KDM2B: variants seen among roughly 807,000 people sequenced by gnomAD.
The protein encoded by KDM2B is lysine demethylase 2B, also known as lysine-specific demethylase 2B.
In KDM2B, 26 loss-of-function variants were observed where a neutral mutation model predicts 150.0. That is an observed-to-expected ratio of 0.17 (90% CI 0.13 to 0.24). KDM2B has a LOEUF of 0.24. Ranked by LOEUF, KDM2B falls within the 10% of genes least tolerant of loss-of-function variation. The pLI is 1.00. For missense variants in KDM2B, 1,265 were observed against 1,816.9 expected (o/e 0.70, Z 5.52); for synonymous variants, 734 against 729.5 (o/e 1.01, Z -0.10).
chr12:121,549,452 G>C lies in KDM2B; in HGVS notation c.576+8C>G. On this transcript the variant is annotated splice_region_variant and intron_variant, in intron 5 of 22. Transcript: ENST00000377071. This position sits in a 1 kb window ranked among gnomAD's most constrained non-coding sequence, Gnocchi z 4.4. Reference sequence around the variant, plus strand: ...TATCTGGGGAGGGTACCTGGGCCCCGGACCTACCACAGTCGGACGCTTGAC... The same window carrying C: ...TATCTGGGGAGGGTACCTGGGCCCCCGACCTACCACAGTCGGACGCTTGAC... The C allele has an allele frequency of 6.3e-7, 1 of 1,585,246 alleles. No homozygotes were observed. The highest frequency in any genetic ancestry group is 8.6e-7 in the Non-Finnish European group (1 of 1,159,418).
At chr12:121,487,867 C>T (rs1029239490) in intron 12 of KDM2B, among the ~76,000 whole-genome samples, 5 of 151,588 alleles carry the variant, frequency 3.3e-5, no homozygotes, top group Non-Finnish European at 5.9e-5. Context: ...CTGCAAGCTC[C>T]GCCTCCCAGG....
In KDM2B at chr12:121,467,237, C is replaced by A; in HGVS notation, c.1735-13893G>T. 2.0e-6 allele frequency: 2 copies of A among 1,018,656 alleles called. No homozygotes were observed. Among genetic ancestry groups the A allele is most frequent in the Non-Finnish European group, 2.4e-6 (2 of 847,372 alleles). 63.1% of individuals were successfully genotyped at this position (1,018,656 alleles called of 1,614,324 possible). A position where few individuals can be genotyped will look rare whatever the true frequency, so the allele number is the denominator to read the frequency against. On this transcript the variant is annotated intron_variant, in intron 12 of 22. Transcript: ENST00000377071. The surrounding 1 kb of genome is among the most constrained non-coding windows in gnomAD (Gnocchi z 5.1). The stretch of plus-strand genomic sequence containing the variant: ...GGCTCATGGTGGGCCCAGGCTCGCG[C>A]GCGCTGACATGGCTGGAGCGGCGCC...
intron 4 of KDM2B, among the ~76,000 whole-genome samples, chr12:121,556,372 T>C (rs1555312710): frequency 1.3e-5 from 2 of 152,098 alleles, no homozygotes; most frequent in Non-Finnish European, 2.9e-5. Flanking sequence ...CAGGCTGGAT[T>C]ATTTAGAAGC....
At chr12:121,536,143 T>C (rs1253846562) in intron 6 of KDM2B, 7 of 979,974 alleles carry the variant, frequency 7.1e-6, no homozygotes, top group Non-Finnish European at 8.5e-6. Context: ...GGAGTGGGGC[T>C]GAGCTGGTTA....
chr12:121,419,925 GAC>G, the KDM2B span: 11 of 190,914 alleles, frequency 5.8e-5, no homozygotes, highest in African/African-American at 2.1e-4. Context: ...CTTTGATAAT[GAC>G]ACAGTGCTGT....
rs1160894866 is a variant in KDM2B, at chr12:121,520,723, C to T, written c.1047+262G>A. 6.6e-6 allele frequency among the ~76,000 whole-genome samples: 1 copy of T among 152,186 alleles called. No individual in the cohort carries two copies. The highest frequency in any genetic ancestry group is 6.5e-5 in the Admixed American group (1 of 15,274). On this transcript the variant is annotated intron_variant, in intron 9 of 22. Transcript: ENST00000377071. The surrounding 1 kb of genome is among the most constrained non-coding windows in gnomAD (Gnocchi z 4.5). ...AAATCTCACGGTGCTTTCTCAGAGA[C>T]ACTTCCTCTTCCACAAGGGGGTTTT...
intron 1 of KDM2B, chr12:121,579,727 TC>T: frequency 9.8e-7 from 1 of 1,019,552 alleles, no homozygotes; most frequent in East Asian, 1.2e-4. Flanking sequence ...GCCCGGCCCC[TC>T]AGCCCCCCAG....
At chr12:121,529,928 C>CAAA (rs782115700) in intron 8 of KDM2B, among the ~76,000 whole-genome samples, 1 of 97,986 alleles carries the variant, frequency 1.0e-5, no homozygotes, top group African/African-American at 3.8e-5. Context: ...GACTCTGTCT[C>CAAA]AAAAAAAAAA....
intron 8 of KDM2B, among the ~76,000 whole-genome samples, chr12:121,529,162 G>A (rs1887414861): frequency 2.0e-5 from 3 of 152,190 alleles, no homozygotes; most frequent in African/African-American, 7.2e-5. Flanking sequence ...TTTCATGCCA[G>A]GGATGGTTTA....
In KDM2B at chr12:121,518,519, G is replaced by T. The variant is rs376592054; in HGVS notation, c.1047+2466C>A. Among the ~76,000 whole-genome samples the T allele has an allele frequency of 2.0e-5, 3 of 152,190 alleles. No individual in the cohort carries two copies. The highest frequency in any genetic ancestry group is 4.4e-5 in the Non-Finnish European group (3 of 68,038). Reference sequence around the variant, plus strand: ...AGGGGAAGGGACAGTAGGCCCCGGTGGGGGAGGGGACCTGCCATTCTCAAC... The same window carrying T: ...AGGGGAAGGGACAGTAGGCCCCGGTTGGGGAGGGGACCTGCCATTCTCAAC... On this transcript the variant is annotated intron_variant, in intron 9 of 22. Transcript: ENST00000377071. The surrounding 1 kb of genome is among the most constrained non-coding windows in gnomAD (Gnocchi z 4.4).
chr12:121,469,720 A>C (rs1044305344), intron 12 of KDM2B: 1 of 152,174 alleles, frequency 6.6e-6, no homozygotes, highest in Non-Finnish European at 1.5e-5. Flanking sequence ...AGGGGCTCAT[A>C]ACATGCCAAT....
chr12:121,536,798 G>A (rs1050660307), intron 6 of KDM2B, among the ~76,000 whole-genome samples: 21 of 152,078 alleles, frequency 1.4e-4, no homozygotes, highest in African/African-American at 4.8e-4. Context: ...TCGACAGCTG[G>A]AAGCCCGCGG....
rs1555288420 is a variant in KDM2B at position 121,442,133 on chromosome 12, A to G, written c.3284+24T>C. The G allele has an allele frequency of 6.2e-7, 1 of 1,605,572 alleles. No homozygotes were observed. The highest frequency in any genetic ancestry group is 8.5e-7 in the Non-Finnish European group (1 of 1,173,088). On this transcript the variant is annotated intron_variant, in intron 19 of 22. Transcript: ENST00000377071. The surrounding 1 kb of genome is among the most constrained non-coding windows in gnomAD (Gnocchi z 7.7). ...TGGTGCCGCCTGAGCCTTAACCTAG[A>G]GCCCTACACAGGCCGCCGCTCACCA...
At chr12:121,517,232 T>C (rs764612159) in intron 9 of KDM2B, among the ~76,000 whole-genome samples, 1 of 152,082 alleles carries the variant, frequency 6.6e-6, no homozygotes, top group Non-Finnish European at 1.5e-5. Context: ...AGCTTCAGGA[T>C]GAGGGGAAGG....
rs2136691541 is a variant in KDM2B, at chr12:121,578,869, G to A, written c.204C>T (p.Phe68=). 6.2e-7 allele frequency: 1 copy of A among 1,612,500 alleles called. No individual in the cohort carries two copies. The highest frequency in any genetic ancestry group is 2.2e-5 in the East Asian group (1 of 44,798). Residue 68 remains phenylalanine, a synonymous_variant, in exon 2 of 23, where the codon TTC becomes TTT. Coordinates refer to ENST00000377071, the MANE Select transcript of KDM2B (RefSeq NM_032590.5). The part of the protein sequence containing the change: ...DVEEIVSVRG[F]SLEEKLRSQL... The stretch of plus-strand genomic sequence containing the variant: ...GGCTGCGAAGCTTCTCCTCCAGGCT[G>A]AAGCCGCGGACGCTGACGATCTCCT...
At chr12:121,574,454 G>T in intron 4 of KDM2B, 93 bp downstream of exon 4, 2 of 1,187,194 alleles carry the variant, frequency 1.7e-6, no homozygotes, top group Non-Finnish European at 2.5e-6. Context: ...TGTTTTGAGA[G>T]GCAGTTAAAA....
intron 4 of KDM2B, among the ~76,000 whole-genome samples, chr12:121,566,840 C>T (rs1555315041): frequency 1.3e-5 from 2 of 152,098 alleles, no homozygotes; most frequent in African/African-American, 2.4e-5. Context: ...CATTCAAAGA[C>T]ACCTTTTTAG....
chr12:121,443,459 G>A, intron 17 of KDM2B: 5 of 595,560 alleles, frequency 8.4e-6, no homozygotes, highest in Non-Finnish European at 1.5e-5. Flanking sequence ...GCTCCTCAGA[G>A]GTTCCCTGGA....
At chr12:121,433,809 C>A (rs1873469968) in intron 22 of KDM2B, among the ~76,000 whole-genome samples, 1 of 152,172 alleles carries the variant, frequency 6.6e-6, no homozygotes, top group South Asian at 2.1e-4. Flanking sequence ...TAATCTGAAG[C>A]TGAGGTGGAA....
Sources: gnomAD v4.1 joint callset for allele counts (sites outside exome capture counted in the v4.1 genomes callset) on GRCh38, gnomAD v4.1.1 for gene constraint, Gnocchi (gnomAD v3.1) non-coding constraint, MANE v1.5 for transcripts, NCBI Gene and HGNC (gene_info 2026-07-23, HGNC 2026-07-21) for gene names.